Variants in RFX8 observed in about 807,000 individuals in gnomAD.
RFX8 encodes the protein DNA-binding protein RFX8.
Under a neutral mutation model 54.6 loss-of-function variants are expected in RFX8, and 46 were observed. That is an observed-to-expected ratio of 0.84 (90% CI 0.67 to 1.08). RFX8 has a LOEUF of 1.08. RFX8 is among the 50% of genes least tolerant of loss of function. RFX8 has a pLI of 0.00. For synonymous variants in RFX8, 192 were observed against 209.5 expected (o/e 0.92, Z 0.72); for missense variants, 536 against 562.3 (o/e 0.95, Z 0.47).
At chr2:101,469,020 A>ATATATATATAAG (rs1689753965) in intron 1 of RFX8, among the ~76,000 whole-genome samples, 4 of 100,734 alleles carry the variant, frequency 4.0e-5, no homozygotes, top group African/African-American at 1.6e-4. Context: ...ATATATAGGT[A>ATATATATATAAG]TATATATATA....
chr2:101,452,329 G>C, intron 2 of RFX8: 1 of 976,062 alleles, frequency 1.0e-6, no homozygotes, highest in Non-Finnish European at 1.5e-6. Flanking sequence ...TTCATTTTGT[G>C]ATTTTCCAAA....
intron 9 of RFX8, among the ~76,000 whole-genome samples, chr2:101,409,018 C>T (rs1018838586): frequency 6.6e-6 from 1 of 152,200 alleles, no homozygotes; most frequent in Admixed American, 6.5e-5. Flanking sequence ...TGGACTGCTC[C>T]TTCCTTCCTG....
chr2:101,414,786 G>A, intron 7 of RFX8, 68 bp downstream of exon 7: 2 of 1,209,314 alleles, frequency 1.7e-6, no homozygotes, highest in East Asian at 5.1e-5. Context: ...TCTTAACAGG[G>A]ACTTAGAGCT....
chr2:101,421,549 T>G, intron 4 of RFX8, 175 bp downstream of exon 4: 1 of 1,335,202 alleles, frequency 7.5e-7, no homozygotes, highest in South Asian at 2.2e-5. Context: ...CGATCTCACC[T>G]TCCAGAACTC....
At chr2:101,459,248 T>C (rs1351416730) in intron 2 of RFX8, among the ~76,000 whole-genome samples, 1 of 152,200 alleles carries the variant, frequency 6.6e-6, no homozygotes, top group Non-Finnish European at 1.5e-5. Context: ...CCAGTTTTGT[T>C]CCGTTGCTGG....
At chr2:101,410,512 T>C in intron 9 of RFX8, 107 bp downstream of exon 9, 1 of 651,704 alleles carries the variant, frequency 1.5e-6, no homozygotes, top group South Asian at 2.0e-5. Context: ...TTTGACACAT[T>C]TCCGACCAGA....
chr2:101,471,393 C>T (rs2149002455), intron 1 of RFX8, among the ~76,000 whole-genome samples: 1 of 152,272 alleles, frequency 6.6e-6, no homozygotes, highest in South Asian at 2.1e-4. Context: ...ACACTAGGAA[C>T]TATAGTACCT....
At chr2:101,447,423 A>C (rs4851444) in intron 2 of RFX8, among the ~76,000 whole-genome samples, 114,615 of 151,608 alleles carry the variant, frequency 0.76, 44,255 homozygotes, top group Middle Eastern at 0.88. Context: ...GTTCTGGAGA[A>C]TGAGAAGTCC....
intron 9 of RFX8, among the ~76,000 whole-genome samples, chr2:101,409,426 C>T (rs978042892): frequency 4.0e-5 from 6 of 151,644 alleles, no homozygotes; most frequent in Non-Finnish European, 8.8e-5. Context: ...CGGGGTTTCA[C>T]CGTGTTAGCC....
At chr2:101,430,529 A>G (rs1687429249) in intron 2 of RFX8, among the ~76,000 whole-genome samples, 1 of 152,234 alleles carries the variant, frequency 6.6e-6, no homozygotes, top group South Asian at 2.1e-4. Context: ...ACATGTGAAG[A>G]CACAGCGAGA....
At chr2:101,462,060 T>C (rs1271018725) in intron 2 of RFX8, among the ~76,000 whole-genome samples, 2 of 152,104 alleles carry the variant, frequency 1.3e-5, no homozygotes, top group African/African-American at 2.4e-5. Flanking sequence ...CCTAAAAAAA[T>C]GACCAGATAT....
intron 7 of RFX8, 55 bp downstream of exon 7, chr2:101,414,799 C>T: frequency 1.5e-6 from 2 of 1,312,128 alleles, no homozygotes; most frequent in East Asian, 2.5e-5. Context: ...TTAGAGCTTT[C>T]ACCTCTTTTC....
chr2:101,398,468 C>A (rs576216084), intron 11 of RFX8, among the ~76,000 whole-genome samples: 1 of 152,250 alleles, frequency 6.6e-6, no homozygotes, highest in Admixed American at 6.5e-5. Context: ...TCCCCACATT[C>A]TCAACAAGTC....
At chr2:101,473,160 CA>C (rs1244400216) in intron 1 of RFX8, among the ~76,000 whole-genome samples, 1 of 152,212 alleles carries the variant, frequency 6.6e-6, no homozygotes, top group Non-Finnish European at 1.5e-5. Context: ...AGTGAGTTCA[CA>C]AGCGGTCTTA....
chr2:101,414,875 C>A lies in RFX8; in HGVS notation c.540G>T (p.Thr180=). Residue 180 remains threonine (T), a synonymous_variant, in exon 7 of 12, where the codon ACG becomes ACT. Coordinates refer to ENST00000428343, the MANE Select transcript of RFX8 (RefSeq NM_001145664.2). ...TLFVKRLRRK[T]YLSNMAKTMR... The stretch of plus-strand genomic sequence containing the variant: ...CTACCTTAGCCATGTTGGAAAGGTA[C>A]GTCTTTCTTCTTAGTCTTTTGACAA... 2 of 1,550,458 alleles carry A rather than the reference C, an allele frequency of 1.3e-6. No individual in the cohort carries two copies. Among genetic ancestry groups the A allele is most frequent in the Non-Finnish European group, 1.7e-6 (2 of 1,146,398 alleles).
intron 2 of RFX8, among the ~76,000 whole-genome samples, chr2:101,465,126 C>A (rs1020645976): frequency 6.6e-6 from 1 of 152,178 alleles, no homozygotes. Context: ...ATAAAAGACA[C>A]ACTTTTCAAA....
chr2:101,430,227 AT>A (rs1318189031), intron 2 of RFX8, among the ~76,000 whole-genome samples: 2 of 152,204 alleles, frequency 1.3e-5, no homozygotes, highest in African/African-American at 2.4e-5. Context: ...AGCCCTGCAC[AT>A]GCACATAGGG....
At chr2:101,460,139 TAC>T (rs1689187478) in intron 2 of RFX8, among the ~76,000 whole-genome samples, 1 of 152,100 alleles carries the variant, frequency 6.6e-6, no homozygotes, top group Non-Finnish European at 1.5e-5. Context: ...TTTTTCCAGG[TAC>T]AGTCTGTCAT....
intron 2 of RFX8, among the ~76,000 whole-genome samples, chr2:101,430,840 A>T (rs1687442414): frequency 6.6e-6 from 1 of 152,212 alleles, no homozygotes; most frequent in South Asian, 2.1e-4. Context: ...TAGAATAAAG[A>T]CTAGAATGAA....
Sources: gnomAD v4.1 joint callset for allele counts (sites outside exome capture counted in the v4.1 genomes callset) on GRCh38, gnomAD v4.1.1 for gene constraint, MANE v1.5 for transcripts, NCBI Gene and HGNC (gene_info 2026-07-23, HGNC 2026-07-21) for gene names.